Variants in NUP93 observed in about 807,000 individuals in gnomAD.
NUP93 encodes nucleoporin 93.
In NUP93, 55 loss-of-function variants were observed where a neutral mutation model predicts 107.8. The observed-to-expected ratio is 0.51, with a 90% CI of 0.41 to 0.64. NUP93 has a LOEUF of 0.64. Ranked by LOEUF, NUP93 falls within the 30% of genes least tolerant of loss-of-function variation. The pLI is 0.00. For missense variants in NUP93, 937 were observed against 1,044.7 expected (o/e 0.90, Z 1.42); for synonymous variants, 390 against 397.5 (o/e 0.98, Z 0.22).
chr16:56,776,923 A>G, intron 3 of NUP93, among the ~76,000 whole-genome samples: 1 of 152,266 alleles, frequency 6.6e-6, no homozygotes, highest in East Asian at 1.9e-4. Flanking sequence ...TTACTGTGGT[A>G]GAACTTCTTC....
At chr16:56,794,124 A>G (rs1473084121) in intron 3 of NUP93, among the ~76,000 whole-genome samples, 2 of 149,236 alleles carry the variant, frequency 1.3e-5, no homozygotes, top group Non-Finnish European at 3.0e-5. Context: ...ATAGATAGAT[A>G]GATAGATGTG....
intron 5 of NUP93, among the ~76,000 whole-genome samples, chr16:56,812,204 TTTTG>T (rs1364194204): frequency 2.0e-5 from 3 of 152,156 alleles, no homozygotes; most frequent in Non-Finnish European, 2.9e-5. Context: ...TCAAAGCTTT[TTTTG>T]TTTGTTTGTT....
At chr16:56,753,946 A>G (rs1261798371) in intron 2 of NUP93, among the ~76,000 whole-genome samples, 1 of 152,004 alleles carries the variant, frequency 6.6e-6, no homozygotes, top group Non-Finnish European at 1.5e-5. Context: ...GGGCTGGGTG[A>G]TGGGTATGAG....
intron 1 of NUP93, among the ~76,000 whole-genome samples, chr16:56,740,406 G>A (rs1472089918): frequency 1.3e-5 from 2 of 151,262 alleles, no homozygotes; most frequent in Admixed American, 1.3e-4. Flanking sequence ...GGGCAGAGGC[G>A]CTCCCCACAT....
intron 1 of NUP93, among the ~76,000 whole-genome samples, chr16:56,742,177 C>T (rs1172853697): frequency 2.6e-5 from 4 of 152,176 alleles, no homozygotes; most frequent in African/African-American, 7.2e-5. Context: ...AGATTTCTTC[C>T]CCAAATATGC....
chr16:56,744,198 C>A (rs1207935616), intron 1 of NUP93, among the ~76,000 whole-genome samples: 2 of 152,232 alleles, frequency 1.3e-5, no homozygotes, highest in African/African-American at 4.8e-5. Context: ...TTTCCCAACA[C>A]ATGGCTTGGA....
chr16:56,736,542 AGTAAACAATCTGAG>A (rs1961615776), intron 1 of NUP93, among the ~76,000 whole-genome samples: 1 of 152,202 alleles, frequency 6.6e-6, no homozygotes, highest in Non-Finnish European at 1.5e-5. Context: ...GACACCTGTA[AGTAAACAATCTGAG>A]GTAACACAGA....
chr16:56,808,765 C>CAT (rs370431408), intron 5 of NUP93, among the ~76,000 whole-genome samples: 3 of 137,630 alleles, frequency 2.2e-5, no homozygotes, highest in Non-Finnish European at 3.1e-5. Flanking sequence ...TATAAAAATA[C>CAT]ATATATATAA....
Position 56,837,616 on chromosome 16 carries a change from C to G in NUP93, c.1908C>G (p.Asp636Glu). The G allele has an allele frequency of 4.3e-6, 7 of 1,613,554 alleles. No homozygotes were observed. Among genetic ancestry groups the G allele is most frequent in the Non-Finnish European group, 5.9e-6 (7 of 1,179,458 alleles). ...AKLYDLAKNADKVLELMNKLL... is the reference protein window; with the variant it reads ...AKLYDLAKNAEKVLELMNKLL... ...TTTAAAAACTTGAGCAGAATGCTGA[C>G]AAGGTACTGGAGCTGATGAACAAAC... The change falls in exon 18 of 22, where the codon GAC becomes GAG. Residue 636 changes from aspartate (D) to glutamate (E), a missense_variant. Coordinates refer to ENST00000308159, the MANE Select transcript of NUP93 (RefSeq NM_014669.5).
intron 3 of NUP93, among the ~76,000 whole-genome samples, chr16:56,767,888 T>A (rs1962242830): frequency 6.6e-6 from 1 of 152,242 alleles, no homozygotes. Flanking sequence ...TGGTGGGTGT[T>A]GTTCATTCAA....
intron 8 of NUP93, among the ~76,000 whole-genome samples, chr16:56,825,205 C>CTTT (rs34378384): frequency 1.2e-3 from 92 of 76,346 alleles, no homozygotes; most frequent in African/African-American, 2.2e-3. Context: ...CCATACCCAG[C>CTTT]TTTTTTTTTT....
intron 4 of NUP93, among the ~76,000 whole-genome samples, chr16:56,801,179 A>C (rs866567449): frequency 2.0e-5 from 3 of 151,882 alleles, no homozygotes; most frequent in Non-Finnish European, 4.4e-5. Flanking sequence ...CTCTTCTCTT[A>C]GTTATTAGTT....
rs2144661536 is a variant in NUP93, at chr16:56,848,225, C to A, written c.*3616C>A. On this transcript the variant is annotated 3_prime_UTR_variant, in exon 22 of 22. Coordinates refer to ENST00000308159, the MANE Select transcript of NUP93 (RefSeq NM_014669.5). ...CTGAATGCTGAGTCAGAAAATGAACCCCTGGGCTGGCGGGTTGACCCAGGC... is the reference window on the plus strand; with the variant it reads ...CTGAATGCTGAGTCAGAAAATGAACACCTGGGCTGGCGGGTTGACCCAGGC... 1 of 152,314 alleles carries A rather than the reference C, an allele frequency of 6.6e-6. No homozygotes were observed. The highest frequency in any genetic ancestry group is 1.9e-4 in the East Asian group (1 of 5,186). 9.4% of individuals were successfully genotyped at this position (152,314 alleles called of 1,614,324 possible).
intron 3 of NUP93, among the ~76,000 whole-genome samples, chr16:56,790,430 T>C (rs1962733738): frequency 6.6e-6 from 1 of 152,096 alleles, no homozygotes. Flanking sequence ...CTTGAGGCGC[T>C]CTCCGTGTAG....
At chr16:56,740,877 TGGCGGCGCGAGCCTGCAATC>T (rs1433859943) in intron 1 of NUP93, 2 of 197,808 alleles carry the variant, frequency 1.0e-5, no homozygotes, top group African/African-American at 2.4e-5. Flanking sequence ...CAGTCAGGCG[TGGCGGCGCGAGCCTGCAATC>T]GCAGGCACTG....
At chr16:56,805,470 C>G (rs748058366) in intron 4 of NUP93, 34 bp from the exon 5 acceptor site, 15 of 1,598,816 alleles carry the variant, frequency 9.4e-6, no homozygotes, top group Non-Finnish European at 1.3e-5. Flanking sequence ...TGTTTTTTTC[C>G]TGAGGGTCAT....
At chr16:56,825,702 C>T (rs1963644357) in intron 8 of NUP93, among the ~76,000 whole-genome samples, 1 of 151,996 alleles carries the variant, frequency 6.6e-6, no homozygotes, top group South Asian at 2.1e-4. Flanking sequence ...TAAAAATTAT[C>T]TTGTTCCATT....
At chr16:56,811,594 C>G (rs1488997594) in intron 5 of NUP93, among the ~76,000 whole-genome samples, 4 of 152,054 alleles carry the variant, frequency 2.6e-5, no homozygotes, top group Non-Finnish European at 5.9e-5. Flanking sequence ...CCTCAGCCTC[C>G]CGAATAGCTG....
chr16:56,761,331 A>G (rs1250562485), intron 3 of NUP93, among the ~76,000 whole-genome samples: 2 of 152,246 alleles, frequency 1.3e-5, no homozygotes, highest in East Asian at 1.9e-4. Context: ...GAGCCAAGCC[A>G]GCTTGCATTC....
Sources: allele counts gnomAD v4.1 joint callset (sites outside exome capture counted in the v4.1 genomes callset), GRCh38; gene constraint gnomAD v4.1.1; transcripts MANE v1.5; gene names NCBI Gene and HGNC (gene_info 2026-07-23, HGNC 2026-07-21).